PLA2R1: variants seen among roughly 807,000 people sequenced by gnomAD.
PLA2R1 encodes the protein secretory phospholipase A2 receptor.
Under a neutral mutation model 195.9 loss-of-function variants are expected in PLA2R1, and 158 were observed. That is an observed-to-expected ratio of 0.81 (90% CI 0.71 to 0.92). The LOEUF is 0.92. PLA2R1 is among the 40% of genes least tolerant of loss of function. The probability of loss-of-function intolerance (pLI) is 0.00; values close to 1 mark genes in which losing one functional copy is unlikely to be tolerated. For missense variants in PLA2R1, 1,626 were observed against 1,764.6 expected (o/e 0.92, Z 1.41); for synonymous variants, 586 against 598.2 (o/e 0.98, Z 0.30).
chr2:159,960,851 C>A (rs1406089755), intron 20 of PLA2R1, among the ~76,000 whole-genome samples: 1 of 152,050 alleles, frequency 6.6e-6, no homozygotes, highest in Non-Finnish European at 1.5e-5. Context: ...TAGAAATAAC[C>A]AATAAAAATT....
chr2:159,952,860 C>G (rs1296798654), intron 23 of PLA2R1, among the ~76,000 whole-genome samples: 2 of 152,168 alleles, frequency 1.3e-5, no homozygotes, highest in Non-Finnish European at 2.9e-5. Flanking sequence ...GAAACCATTA[C>G]CTCAATACAG....
At chr2:159,947,640 A>C in intron 25 of PLA2R1, 81 bp from the exon 26 acceptor site, 1 of 1,275,542 alleles carries the variant, frequency 7.8e-7, no homozygotes, top group Non-Finnish European at 1.1e-6. Context: ...CATTCTATAA[A>C]AGATCAAGAT....
At chr2:160,013,561 T>C (rs1361579326) in intron 9 of PLA2R1, among the ~76,000 whole-genome samples, 186 bp from the exon 10 acceptor site, 1 of 152,210 alleles carries the variant, frequency 6.6e-6, no homozygotes, top group African/African-American at 2.4e-5. Context: ...CACCCACTTC[T>C]ACATTTATTT....
At chr2:159,976,549 C>T in intron 16 of PLA2R1, 136 bp downstream of exon 16, 1 of 634,648 alleles carries the variant, frequency 1.6e-6, no homozygotes, top group South Asian at 2.1e-5. Flanking sequence ...TTAATTTGAA[C>T]AAATTAGCTC....
rs1022191178 is a variant in PLA2R1, at chr2:159,936,915, T to C, written c.*4863A>G. On this transcript the variant is annotated 3_prime_UTR_variant, in exon 30 of 30. Coordinates refer to ENST00000283243, the MANE Select transcript of PLA2R1 (RefSeq NM_007366.5). ...TGTTTCCACAGCACTCTCTAACTTA[T>C]CTTAACATAGAAACTTTGTTCATAT... is the stretch of plus-strand genomic sequence containing the variant. The C allele has an allele frequency of 1.3e-5, 2 of 152,228 alleles. No homozygotes were observed. Among genetic ancestry groups the C allele is most frequent in the Non-Finnish European group, 2.9e-5 (2 of 68,032 alleles). The allele number at this position is 152,228 out of a possible 1,614,324, so 9.4% of individuals were successfully genotyped here.
chr2:159,980,481 G>A (rs139727490), intron 13 of PLA2R1, among the ~76,000 whole-genome samples: 37 of 152,218 alleles, frequency 2.4e-4, no homozygotes, highest in Non-Finnish European at 4.4e-4. Flanking sequence ...AAACATTCAT[G>A]TATTCTCTGA....
In PLA2R1 at chr2:159,949,699, A is replaced by G. The variant is rs1342226631; in HGVS notation, c.3618T>C (p.Leu1206=). The change falls in exon 25 of 30, where the codon CTT becomes CTC. Residue 1206 remains leucine (L), a synonymous_variant. Coordinates refer to ENST00000283243, the MANE Select transcript of PLA2R1 (RefSeq NM_007366.5). ...TFWKDEESSL[L]GDCVFADSNG... ...TGCTGTCGGCAAAAACGCAGTCACC[A>G]AGGAGGGAGGACTCCTCATCTTTCC... The G allele has an allele frequency of 6.2e-7, 1 of 1,613,932 alleles. No individual in the cohort carries two copies. Among genetic ancestry groups the G allele is most frequent in the East Asian group, 2.2e-5 (1 of 44,876 alleles).
Position 159,987,320 on chromosome 2 carries a change from G to A in PLA2R1, c.1873C>T (p.Pro625Ser). 4 of 1,612,170 alleles carry A rather than the reference G, an allele frequency of 2.5e-6. No individual in the cohort carries two copies. Among genetic ancestry groups the A allele is most frequent in the Non-Finnish European group, 3.4e-6 (4 of 1,179,848 alleles). Residue 625 changes from proline to serine, a missense_variant, in exon 12 of 30, where the codon CCA becomes TCA. Pro to Ser is a moderately conservative substitution (Grantham distance 74, BLOSUM62 -1). Coordinates refer to ENST00000283243, the MANE Select transcript of PLA2R1 (RefSeq NM_007366.5). ...GGCVAMRGRH[P>S]LGRWEVKHCR... is the part of the protein sequence containing the mutation. ...TGCTTCACTTCCCAGCGACCAAGTGGATGCCTTCCTCGCATGGCAACACAG... is the reference window on the plus strand; with the variant it reads ...TGCTTCACTTCCCAGCGACCAAGTGAATGCCTTCCTCGCATGGCAACACAG...
intron 3 of PLA2R1, among the ~76,000 whole-genome samples, chr2:160,038,798 G>A (rs527750660): frequency 6.6e-6 from 1 of 152,226 alleles, no homozygotes; most frequent in East Asian, 1.9e-4. Flanking sequence ...GCCATGTTGA[G>A]GGCTCAGGAG....
At chr2:159,994,328 G>A (rs1351925529) in intron 11 of PLA2R1, among the ~76,000 whole-genome samples, 1 of 152,032 alleles carries the variant, frequency 6.6e-6, no homozygotes, top group Admixed American at 6.6e-5. Flanking sequence ...AATAAAGGCA[G>A]GGGTGGAAAT....
rs34457845 is a variant in PLA2R1 at position 160,042,858 on chromosome 2, G to GGA, written c.494-662_494-661dup. On this transcript the variant is annotated intron_variant, in intron 2 of 29. Transcript: ENST00000283243. ...GTGTGTGTGTATGTGTGAGACAGAG[G>GGA]GAGAGAGAGAGAGAGAGAGAAAGTG... Among the ~76,000 whole-genome samples the GGA allele has an allele frequency of 2.1e-4, 30 of 139,824 alleles. 1 individual carries two copies. Among genetic ancestry groups the GGA allele is most frequent in the South Asian group, 4.7e-4 (2 of 4,234 alleles). The allele number at this position is 139,824 out of a possible 152,430, so 91.7% of individuals were successfully genotyped here.
At chr2:159,968,635 A>G (rs1036004208) in intron 19 of PLA2R1, among the ~76,000 whole-genome samples, 1 of 152,168 alleles carries the variant, frequency 6.6e-6, no homozygotes, top group African/African-American at 2.4e-5. Context: ...TGTTAGAGTA[A>G]TGGGTATCAT....
In PLA2R1 at chr2:159,938,098, A is replaced by G. The variant is rs1018513343; in HGVS notation, c.*3680T>C. 2 of 152,232 alleles carry G rather than the reference A, an allele frequency of 1.3e-5. No individual in the cohort carries two copies. The highest frequency in any genetic ancestry group is 4.8e-5 in the African/African-American group (2 of 41,460). The allele number at this position is 152,232 out of a possible 1,614,324, so 9.4% of individuals were successfully genotyped here. A position where few individuals can be genotyped will look rare whatever the true frequency, so the allele number is the denominator to read the frequency against. Reference sequence around the variant, plus strand: ...GAAGATTCTGGAAATTAAGTTTCTTAAATACCCATGCTCCTGTATTCCTTA... The same window carrying G: ...GAAGATTCTGGAAATTAAGTTTCTTGAATACCCATGCTCCTGTATTCCTTA... On this transcript the variant is annotated 3_prime_UTR_variant, in exon 30 of 30. Transcript: ENST00000283243.
At chr2:160,017,228 G>A (rs1172188674) in intron 8 of PLA2R1, among the ~76,000 whole-genome samples, 1 of 152,136 alleles carries the variant, frequency 6.6e-6, no homozygotes, top group Non-Finnish European at 1.5e-5. Context: ...AGCACCTGGA[G>A]GGCTAACTGA....
chr2:159,948,573 C>G (rs1250984588), intron 25 of PLA2R1, among the ~76,000 whole-genome samples: 1 of 143,698 alleles, frequency 7.0e-6, no homozygotes, highest in East Asian at 2.0e-4. Flanking sequence ...TAGAGCCTGA[C>G]ACTTCTTAAG....
chr2:159,934,826 T>C lies in PLA2R1; in HGVS notation c.*6952A>G, dbSNP rs538594273. On this transcript the variant is annotated 3_prime_UTR_variant, in exon 30 of 30. Coordinates refer to ENST00000283243, the MANE Select transcript of PLA2R1 (RefSeq NM_007366.5). Reference sequence around the variant, plus strand: ...ATCATCAAAACAAAGAAACTAATACTGGTACAATACTATTAATTAAACCAT... The same window carrying C: ...ATCATCAAAACAAAGAAACTAATACCGGTACAATACTATTAATTAAACCAT... 4 of 152,198 alleles carry C rather than the reference T, an allele frequency of 2.6e-5. No homozygotes were observed. The highest frequency in any genetic ancestry group is 9.6e-5 in the African/African-American group (4 of 41,462). 9.4% of individuals were successfully genotyped at this position (152,198 alleles called of 1,614,324 possible). A position where few individuals can be genotyped will look rare whatever the true frequency, so the allele number is the denominator to read the frequency against.
chr2:160,007,168 G>A (rs796613914), intron 10 of PLA2R1, among the ~76,000 whole-genome samples: 51 of 152,252 alleles, frequency 3.3e-4, no homozygotes, highest in African/African-American at 1.2e-3. Context: ...GGAACATATA[G>A]AAGACTAAAT....
rs1377448664 is a variant in PLA2R1 at position 159,967,676 on chromosome 2, G to A, written c.2767C>T (p.Leu923Phe). 34 of 1,612,674 alleles carry A rather than the reference G, an allele frequency of 2.1e-5. No individual in the cohort carries two copies. Among genetic ancestry groups the A allele is most frequent in the Non-Finnish European group, 2.8e-5 (33 of 1,179,366 alleles). The change falls in exon 20 of 30, where the codon CTC becomes TTC. Residue 923 changes from leucine to phenylalanine, a missense_variant and splice_region_variant. Transcript: ENST00000283243. ...ACTGAACACTCTTCACTACCCCAGA[G>A]TCCTGGAGGAGAAAATGGGTTAGAA... ...RCGFISSITG[L>F]WGSEECSVSM... is the part of the protein sequence containing the mutation.
rs933607274 is a variant in PLA2R1 at position 159,933,897 on chromosome 2, A to G, written c.*7881T>C. 4 of 152,210 alleles carry G rather than the reference A, an allele frequency of 2.6e-5. No homozygotes were observed. Among genetic ancestry groups the G allele is most frequent in the African/African-American group, 7.2e-5 (3 of 41,448 alleles). 9.4% of individuals were successfully genotyped at this position (152,210 alleles called of 1,614,324 possible). A position where few individuals can be genotyped will look rare whatever the true frequency, so the allele number is the denominator to read the frequency against. On this transcript the variant is annotated 3_prime_UTR_variant, in exon 30 of 30. Transcript: ENST00000283243. ...TTGCAGGCCATTCGGTCTCTGTTGCAACCACTCAGCTCTGTCATGGAAGCA... is the reference window on the plus strand; with the variant it reads ...TTGCAGGCCATTCGGTCTCTGTTGCGACCACTCAGCTCTGTCATGGAAGCA...
Sources: allele counts gnomAD v4.1 joint callset (sites outside exome capture counted in the v4.1 genomes callset), GRCh38; gene constraint gnomAD v4.1.1; transcripts MANE v1.5; gene names NCBI Gene and HGNC (gene_info 2026-07-23, HGNC 2026-07-21).